RHOBTB1: variants seen among roughly 807,000 people sequenced by gnomAD.
The protein encoded by RHOBTB1 is Rho related BTB domain containing 1.
RHOBTB1 carries 40 observed loss-of-function variants against 71.6 expected under a neutral mutation model. The ratio of observed to expected loss-of-function variants is 0.56; its 90% CI spans 0.43 to 0.73. RHOBTB1 has a LOEUF of 0.73. Ranked by LOEUF, RHOBTB1 falls within the 30% of genes least tolerant of loss-of-function variation. RHOBTB1 has a pLI of 0.00. For missense variants in RHOBTB1, 797 were observed against 894.0 expected (o/e 0.89, Z 1.38); for synonymous variants, 319 against 334.9 (o/e 0.95, Z 0.52).
intron 4 of RHOBTB1, among the ~76,000 whole-genome samples, chr10:60,898,383 AACAG>A (rs1207630009): frequency 6.6e-6 from 1 of 152,206 alleles, no homozygotes; most frequent in East Asian, 1.9e-4. Context: ...GGGCTATGCA[AACAG>A]ACAGATCAAA....
chr10:60,949,515 C>T (rs2085341509), intron 2 of RHOBTB1, among the ~76,000 whole-genome samples: 1 of 152,142 alleles, frequency 6.6e-6, no homozygotes, highest in Admixed American at 6.5e-5. Flanking sequence ...CTATTTTCTT[C>T]CCACTGTTCT....
At chr10:60,878,424 C>A (rs190144789) in intron 7 of RHOBTB1, among the ~76,000 whole-genome samples, 4 of 152,226 alleles carry the variant, frequency 2.6e-5, no homozygotes, top group Admixed American at 2.0e-4. Context: ...AGGTGTTGGG[C>A]GGAGCTGCAA....
intron 2 of RHOBTB1, among the ~76,000 whole-genome samples, chr10:60,933,902 ACAC>A (rs1203645717): frequency 6.6e-6 from 1 of 152,176 alleles, no homozygotes; most frequent in Admixed American, 6.5e-5. Context: ...TTACAGAATA[ACAC>A]CACTCCTTAA....
At chr10:60,920,621 C>CTTT (rs66851123) in intron 2 of RHOBTB1, among the ~76,000 whole-genome samples, 6 of 135,806 alleles carry the variant, frequency 4.4e-5, no homozygotes, top group Non-Finnish European at 9.7e-5. Flanking sequence ...TTCTGATTTG[C>CTTT]TTTTTTTTTT....
chr10:60,905,327 G>A (rs1458882198), intron 4 of RHOBTB1, among the ~76,000 whole-genome samples: 2 of 151,584 alleles, frequency 1.3e-5, no homozygotes, highest in African/African-American at 4.8e-5. Context: ...GTGGGCACCT[G>A]TAATCCTAGC....
chr10:60,883,770 A>C (rs2132489523), intron 7 of RHOBTB1, among the ~76,000 whole-genome samples: 1 of 152,316 alleles, frequency 6.6e-6, no homozygotes. Context: ...CTGCTTTGCA[A>C]GTAATGACTC....
chr10:60,883,262 G>A (rs1349800987), intron 7 of RHOBTB1, among the ~76,000 whole-genome samples: 8 of 152,158 alleles, frequency 5.3e-5, no homozygotes, highest in African/African-American at 1.9e-4. Flanking sequence ...AGTGGTGAGG[G>A]ACCTCATCTC....
chr10:60,973,553 AG>A (rs2086228557), intron 2 of RHOBTB1, among the ~76,000 whole-genome samples: 1 of 152,034 alleles, frequency 6.6e-6, no homozygotes, highest in South Asian at 2.1e-4. Context: ...AGGAGGGCAA[AG>A]CTTGCTGAGT....
chr10:60,988,056 C>T (rs915654580), intron 1 of RHOBTB1, among the ~76,000 whole-genome samples: 33 of 150,426 alleles, frequency 2.2e-4, no homozygotes, highest in South Asian at 4.2e-4. Context: ...CTCAGCCTCC[C>T]GGGTAGCTGG....
intron 10 of RHOBTB1, 55 bp from the exon 11 acceptor site, chr10:60,871,706 G>T: frequency 6.5e-7 from 1 of 1,527,680 alleles, no homozygotes; most frequent in Non-Finnish European, 9.0e-7. Context: ...TGCCTTTTAT[G>T]TGCTAGGCCT....
chr10:60,983,983 T>C (rs1185765600), intron 2 of RHOBTB1, among the ~76,000 whole-genome samples: 6 of 152,196 alleles, frequency 3.9e-5, no homozygotes, highest in African/African-American at 1.4e-4. Flanking sequence ...CGTACTTTAA[T>C]TCCCAACTTC....
rs377492214 is a variant in RHOBTB1, at chr10:60,933,491, G to A, written c.-11+8313C>T. 3.4e-3 allele frequency among the ~76,000 whole-genome samples: 516 copies of A among 152,308 alleles called. 7 individuals carry two copies. Among genetic ancestry groups the A allele is most frequent in the African/African-American group, 0.011 (477 of 41,566 alleles). ...AATCCCAGCACTTTGGGAGGCTGAG[G>A]CAGGCAGATCACAAGGTCAGGAGTT... is the stretch of plus-strand genomic sequence containing the variant. On this transcript the variant is annotated intron_variant, in intron 2 of 10. Coordinates refer to ENST00000337910, the MANE Select transcript of RHOBTB1 (RefSeq NM_014836.5).
intron 4 of RHOBTB1, among the ~76,000 whole-genome samples, chr10:60,900,332 G>A (rs2082356646): frequency 6.6e-6 from 1 of 152,138 alleles, no homozygotes; most frequent in Non-Finnish European, 1.5e-5. Flanking sequence ...TCCCCTACAG[G>A]TGGAAGTGGC....
chr10:60,898,649 C>A lies in RHOBTB1; in HGVS notation c.297-5654G>T, dbSNP rs538242784. Among the ~76,000 whole-genome samples the A allele has an allele frequency of 4.6e-5, 7 of 152,244 alleles. No homozygotes were observed. The South Asian group carries it at 1.5e-3, about 32-fold the overall frequency. Reference sequence around the variant, plus strand: ...AACCATGCAGTGCCCTGGATGTGAGCAGATAAATCAAGTTAATACTTTACC... The same window carrying A: ...AACCATGCAGTGCCCTGGATGTGAGAAGATAAATCAAGTTAATACTTTACC... On this transcript the variant is annotated intron_variant, in intron 4 of 10. Coordinates refer to ENST00000337910, the MANE Select transcript of RHOBTB1 (RefSeq NM_014836.5).
At chr10:60,895,932 T>C (rs764687084) in intron 4 of RHOBTB1, among the ~76,000 whole-genome samples, 3 of 152,276 alleles carry the variant, frequency 2.0e-5, no homozygotes, top group Non-Finnish European at 2.9e-5. Context: ...CTTTGATGCA[T>C]TTCTCCTTAC....
intron 4 of RHOBTB1, among the ~76,000 whole-genome samples, chr10:60,907,598 C>G (rs1042932184): frequency 6.6e-6 from 1 of 152,256 alleles, no homozygotes; most frequent in Non-Finnish European, 1.5e-5. Context: ...TTACAACACT[C>G]ATGCTACTCT....
chr10:60,894,934 T>G (rs2132851789), intron 4 of RHOBTB1, among the ~76,000 whole-genome samples: 1 of 152,196 alleles, frequency 6.6e-6, no homozygotes, highest in South Asian at 2.1e-4. Context: ...GCATGTGAGG[T>G]TTTGAAATCA....
At chr10:60,905,170 G>T (rs1355683777) in intron 4 of RHOBTB1, among the ~76,000 whole-genome samples, 1 of 151,356 alleles carries the variant, frequency 6.6e-6, no homozygotes, top group African/African-American at 2.4e-5. Context: ...AAAAATTCAG[G>T]CTGGGCATGG....
chr10:60,971,668 T>G (rs554366958), intron 2 of RHOBTB1, among the ~76,000 whole-genome samples: 5 of 152,182 alleles, frequency 3.3e-5, no homozygotes, highest in Admixed American at 1.3e-4. Context: ...CCAAAAGCAA[T>G]GGCAACAAAA....
Sources: allele counts gnomAD v4.1 joint callset (sites outside exome capture counted in the v4.1 genomes callset), GRCh38; gene constraint gnomAD v4.1.1; transcripts MANE v1.5; gene names NCBI Gene and HGNC (gene_info 2026-07-23, HGNC 2026-07-21).